VPS13A: variants seen among roughly 807,000 people sequenced by gnomAD.
The protein encoded by VPS13A is intermembrane lipid transfer protein VPS13A.
Under a neutral mutation model 390.9 loss-of-function variants are expected in VPS13A, and 264 were observed. The ratio of observed to expected loss-of-function variants is 0.68; its 90% CI spans 0.61 to 0.75. The LOEUF is 0.75. VPS13A is among the 30% of genes least tolerant of loss of function. The pLI is 0.00. For synonymous variants in VPS13A, 1,231 were observed against 1,227.1 expected, an observed-to-expected ratio of 1.00 and a Z score of -0.07; for missense variants, 3,409 against 3,733.9, an observed-to-expected ratio of 0.91 and a Z score of 2.27.
At chr9:77,250,058 G>C (rs772423914) in intron 20 of VPS13A, 39 bp from the exon 21 acceptor site, 1 of 1,607,788 alleles carries the variant, frequency 6.2e-7, no homozygotes, top group Non-Finnish European at 8.5e-7. Flanking sequence ...ACATTTTGAA[G>C]TATTTTGCAT....
In VPS13A at chr9:77,339,595, T is replaced by C; in HGVS notation, c.6458T>C (p.Leu2153Pro). Residue 2153 changes from leucine to proline, a missense_variant, in exon 48 of 72, where the codon CTA becomes CCA. Transcript: ENST00000360280. Reference protein sequence around the residue: ...ICTAQLGKARLHLKLLDYLNH... With the variant: ...ICTAQLGKARPHLKLLDYLNH... ...ACTGCACAGTTGGGTAAAGCCAGGC[T>C]ACATTTAAAATTACTTGACTATCTC... The C allele has an allele frequency of 6.2e-7, 1 of 1,608,484 alleles. No individual in the cohort carries two copies. The highest frequency in any genetic ancestry group is 8.5e-7 in the Non-Finnish European group (1 of 1,176,748).
rs559482067 is a variant in VPS13A at position 77,301,971 on chromosome 9, T to C, written c.3813-944T>C. Among the ~76,000 whole-genome samples, 1,306 of 152,032 alleles carry C rather than the reference T, an allele frequency of 8.6e-3. 10 individuals carry two copies. Among genetic ancestry groups the C allele is most frequent in the Non-Finnish European group, 0.014 (918 of 67,948 alleles). On this transcript the variant is annotated intron_variant, in intron 33 of 71. Transcript: ENST00000360280. The stretch of plus-strand genomic sequence containing the variant: ...TACATAGAGATATTTTTTTTTTTTT[T>C]CCCGAGACAGTGTTTTACTCTTGTT...
At chr9:77,332,346 T>C (rs370836278) in intron 46 of VPS13A, among the ~76,000 whole-genome samples, 3 of 151,994 alleles carry the variant, frequency 2.0e-5, no homozygotes, top group Admixed American at 6.5e-5. Context: ...TTGATTGCAA[T>C]ATAACCGTCA....
At position 77,405,862 on chromosome 9, in the gene VPS13A, AGTG is replaced by A; in HGVS notation, c.9278_9280del (p.Gly3093del). ...ATTCTTTTTTTGTTTTTCTTTTTGC[AGTG>A]GTGTATTGTTTGTAACAAAGGGAAC... is the stretch of plus-strand genomic sequence containing the variant. On this transcript the variant is annotated splice_acceptor_variant and coding_sequence_variant, in exon 70 of 72. Coordinates refer to ENST00000360280, the MANE Select transcript of VPS13A (RefSeq NM_033305.3). LOFTEE classifies it high-confidence loss of function. 6.2e-7 allele frequency: 1 copy of A among 1,613,190 alleles called. No homozygotes were observed. The highest frequency in any genetic ancestry group is 1.1e-5 in the South Asian group (1 of 91,070).
At chr9:77,207,252 T>TATATATATATATA in intron 5 of VPS13A, among the ~76,000 whole-genome samples, 1 of 87,272 alleles carries the variant, frequency 1.1e-5, no homozygotes, top group African/African-American at 4.1e-5. Context: ...TATATATATA[T>TATATATATATATA]AAAACGTGTT....
chr9:77,257,115 G>A (rs1480524881), intron 22 of VPS13A, among the ~76,000 whole-genome samples: 2 of 151,882 alleles, frequency 1.3e-5, no homozygotes, highest in African/African-American at 2.4e-5. Context: ...GTGGATTTTT[G>A]TGTGTGACAT....
intron 71 of VPS13A, among the ~76,000 whole-genome samples, chr9:77,414,767 T>A (rs560151741): frequency 3.5e-5 from 5 of 143,888 alleles, no homozygotes; most frequent in Non-Finnish European, 7.7e-5. Flanking sequence ...ATAATAATAA[T>A]AAAAACTTAG....
intron 68 of VPS13A, chr9:77,382,544 C>G: frequency 8.4e-7 from 1 of 1,183,564 alleles, no homozygotes; most frequent in Non-Finnish European, 1.0e-6. Flanking sequence ...ACTTACTTAA[C>G]CAATTAAACC....
chr9:77,330,457 C>T (rs753021794), intron 45 of VPS13A, among the ~76,000 whole-genome samples: 5 of 152,070 alleles, frequency 3.3e-5, no homozygotes, highest in African/African-American at 1.2e-4. Flanking sequence ...CAACTTTTTC[C>T]GCACTAAATT....
chr9:77,225,886 A>T, intron 13 of VPS13A, 40 bp from the exon 14 acceptor site: 3 of 1,503,624 alleles, frequency 2.0e-6, no homozygotes, highest in Non-Finnish European at 2.8e-6. Context: ...ATGTAAAGTT[A>T]TTTTTGTAAA....
In VPS13A at chr9:77,353,471, T is replaced by A. The variant is rs2131546302; in HGVS notation, c.7482T>A (p.Gly2494=). 6.2e-7 allele frequency: 1 copy of A among 1,612,850 alleles called. No individual in the cohort carries two copies. The highest frequency in any genetic ancestry group is 8.5e-7 in the Non-Finnish European group (1 of 1,179,378). Reference sequence around the variant, plus strand: ...TATATTTAGTTTCATTCTTTGAAGGTTTACAACGCATTATTTTATTCACTG... The same window carrying A: ...TATATTTAGTTTCATTCTTTGAAGGATTACAACGCATTATTTTATTCACTG... The part of the protein sequence containing the change: ...KTIYLVSFFE[G]LQRIILFTED... Residue 2494 remains glycine (G), a synonymous_variant, in exon 54 of 72, where the codon GGT becomes GGA. Coordinates refer to ENST00000360280, the MANE Select transcript of VPS13A (RefSeq NM_033305.3).
chr9:77,235,583 T>G (rs1488208967), intron 17 of VPS13A, among the ~76,000 whole-genome samples: 1 of 152,186 alleles, frequency 6.6e-6, no homozygotes, highest in Non-Finnish European at 1.5e-5. Context: ...TTGTGTTCTT[T>G]ATCAAATTTG....
rs1587698038 is a variant in VPS13A at position 77,382,068 on chromosome 9, C to T, written c.9170C>T (p.Thr3057Ile). 1 of 1,606,460 alleles carries T rather than the reference C, an allele frequency of 6.2e-7. No individual in the cohort carries two copies. Among genetic ancestry groups the T allele is most frequent in the Admixed American group, 1.7e-5 (1 of 59,442 alleles). The stretch of plus-strand genomic sequence containing the variant: ...AGACCGTACAGGTTGAGGGATGGGA[C>T]TGGAAATCAAATGTTACAGGTAAAT... ...VIRPYRLRDG[T>I]GNQMLQVMEN... The change falls in exon 68 of 72, where the codon ACT becomes ATT. Residue 3057 changes from threonine to isoleucine, a missense_variant. Thr to Ile is a moderately conservative substitution (Grantham distance 89). Around this residue, in one of 5 missense-constraint regions of VPS13A, gnomAD observed 318 missense variants for 333.7 expected, o/e 0.95. Transcript: ENST00000360280.
chr9:77,405,944 A>AG lies in VPS13A; in HGVS notation c.9357dup (p.Pro3120AlafsTer12). ...TATAGTTTTGATGAATTTACCAAAG[A>AG]GCCATTCATTGTTCATGGGAGAAGA... On this transcript the variant is annotated frameshift_variant, in exon 70 of 72. Coordinates refer to ENST00000360280, the MANE Select transcript of VPS13A (RefSeq NM_033305.3). LOFTEE classifies it high-confidence loss of function. 6.2e-7 allele frequency: 1 copy of AG among 1,614,002 alleles called. No individual in the cohort carries two copies. Among genetic ancestry groups the AG allele is most frequent in the Non-Finnish European group, 8.5e-7 (1 of 1,179,992 alleles).
rs961521229 is a variant in VPS13A, at chr9:77,221,496, G to C, written c.1161+140G>C. On this transcript the variant is annotated intron_variant, in intron 13 of 71. Coordinates refer to ENST00000360280, the MANE Select transcript of VPS13A (RefSeq NM_033305.3). ...TTTACTTAGACTTTTTTGTGCTTCT[G>C]TTCTTAACTTCAGCTGAATAATACA... 1.5e-5 allele frequency: 13 copies of C among 867,624 alleles called. No homozygotes were observed. The African/African-American group carries it at 1.9e-4, about 13-fold the overall frequency. The allele number at this position is 867,624 out of a possible 1,614,324, so 53.7% of individuals were successfully genotyped here. A position where few individuals can be genotyped will look rare whatever the true frequency, so the allele number is the denominator to read the frequency against.
chr9:77,249,021 C>T (rs1053481246), intron 20 of VPS13A, among the ~76,000 whole-genome samples: 3 of 152,186 alleles, frequency 2.0e-5, no homozygotes, highest in East Asian at 1.9e-4. Flanking sequence ...TGTGAGCCAC[C>T]GCGCCTGGCC....
intron 22 of VPS13A, among the ~76,000 whole-genome samples, chr9:77,259,462 A>T (rs895950576): frequency 3.3e-5 from 5 of 152,250 alleles, no homozygotes; most frequent in African/African-American, 1.2e-4. Flanking sequence ...TAACGTAAGT[A>T]ATCAGTGTGC....
intron 1 of VPS13A, among the ~76,000 whole-genome samples, chr9:77,179,687 GT>G (rs142930729): frequency 0.12 from 16,023 of 130,780 alleles, 711 homozygotes; most frequent in Middle Eastern, 0.15. Flanking sequence ...TGGGTTGTAC[GT>G]TTTTTTTTTT....
chr9:77,341,691 C>CTTT (rs57841628), intron 50 of VPS13A, among the ~76,000 whole-genome samples: 16 of 37,838 alleles, frequency 4.2e-4, no homozygotes, highest in African/African-American at 9.7e-4. Flanking sequence ...GACATCTTTC[C>CTTT]TTTTTTTTTT....
Sources: gnomAD v4.1 joint callset for allele counts (sites outside exome capture counted in the v4.1 genomes callset) on GRCh38, gnomAD v4.1.1 for gene constraint, gnomAD v4.1.1 regional missense constraint, MANE v1.5 for transcripts, NCBI Gene and HGNC (gene_info 2026-07-23, HGNC 2026-07-21) for gene names.